The following TRAF5 variants were observed in gnomAD, a reference collection of about 807,000 sequenced individuals.
TRAF5 encodes the protein TNF receptor associated factor 5, also known as TNF receptor-associated factor 5.
TRAF5 carries 48 observed loss-of-function variants against 64.5 expected under a neutral mutation model. The ratio of observed to expected loss-of-function variants is 0.74; its 90% CI spans 0.59 to 0.95. TRAF5 has a LOEUF of 0.95. Among genes scored for constraint, TRAF5 ranks in the 40% least tolerant of loss-of-function variants. The probability of loss-of-function intolerance (pLI) is 0.00; values close to 1 mark genes in which losing one functional copy is unlikely to be tolerated. For missense variants in TRAF5, 545 were observed against 662.8 expected (o/e 0.82, Z 1.95); for synonymous variants, 206 against 240.5 (o/e 0.86, Z 1.33).
intron 1 of TRAF5, among the ~76,000 whole-genome samples, chr1:211,333,633 G>C (rs1702218544): frequency 6.6e-6 from 1 of 152,116 alleles, no homozygotes; most frequent in African/African-American, 2.4e-5. Flanking sequence ...GAGTAGCTGA[G>C]ATTACAGGCA....
chr1:211,332,069 T>C (rs147081358), intron 1 of TRAF5, among the ~76,000 whole-genome samples: 1,847 of 152,052 alleles, frequency 0.012, 16 homozygotes, highest in Middle Eastern at 0.071. Flanking sequence ...GGACAGGGTA[T>C]GGTGGGATAA....
intron 1 of TRAF5, among the ~76,000 whole-genome samples, chr1:211,344,423 A>G (rs6672742): frequency 0.17 from 25,155 of 152,236 alleles, 2,298 homozygotes; most frequent in Non-Finnish European, 0.2. Context: ...CTCTGCCTCT[A>G]AGACATCAAA....
intron 9 of TRAF5, among the ~76,000 whole-genome samples, chr1:211,370,411 A>C (rs564454652): frequency 1.9e-4 from 26 of 136,088 alleles, no homozygotes; most frequent in African/African-American, 5.9e-4. Flanking sequence ...ACACACACAC[A>C]CCCTTCATAT....
At chr1:211,339,520 A>G (rs975066987) in intron 1 of TRAF5, among the ~76,000 whole-genome samples, 1 of 152,164 alleles carries the variant, frequency 6.6e-6, no homozygotes, top group Admixed American at 6.5e-5. Flanking sequence ...GTCCTTCCAG[A>G]GCTGACAGGC....
Position 211,372,747 on chromosome 1 carries a change from T to C in TRAF5, c.*45T>C, listed in dbSNP as rs1703581334. The C allele has an allele frequency of 2.6e-6, 4 of 1,515,450 alleles. No homozygotes were observed. The highest frequency in any genetic ancestry group is 1.8e-5 in the Admixed American group (1 of 56,658). 93.9% of individuals were successfully genotyped at this position (1,515,450 alleles called of 1,614,324 possible). On this transcript the variant is annotated 3_prime_UTR_variant, in exon 11 of 11. Coordinates refer to ENST00000261464, the MANE Select transcript of TRAF5 (RefSeq NM_001033910.3). ...AGAGGACTTCTTGGGGCCAGAACTG[T>C]GGAGGAGAGCACATTTGATTATCAT...
chr1:211,337,742 GGA>G (rs1466765912), intron 1 of TRAF5, among the ~76,000 whole-genome samples: 1 of 152,184 alleles, frequency 6.6e-6, no homozygotes, highest in Non-Finnish European at 1.5e-5. Context: ...GTTGTGAGAT[GGA>G]GAGTAAGAGA....
intron 1 of TRAF5, among the ~76,000 whole-genome samples, chr1:211,327,952 T>TG (rs1702065739): frequency 6.6e-6 from 1 of 152,226 alleles, no homozygotes. Flanking sequence ...GTGTGAGAAC[T>TG]GGGCTGGGGC....
intron 1 of TRAF5, among the ~76,000 whole-genome samples, chr1:211,328,081 C>T (rs566187591): frequency 3.9e-5 from 6 of 152,104 alleles, no homozygotes; most frequent in Non-Finnish European, 7.3e-5. Flanking sequence ...TGGGTGTGTG[C>T]GAGATAATTT....
intron 8 of TRAF5, among the ~76,000 whole-genome samples, chr1:211,367,847 T>G (rs1703403889): frequency 6.6e-6 from 1 of 152,204 alleles, no homozygotes; most frequent in Admixed American, 6.5e-5. Context: ...AAATGCCCTC[T>G]CTGTGCCAGG....
At chr1:211,353,960 A>G (rs1702877896) in intron 2 of TRAF5, among the ~76,000 whole-genome samples, 1 of 152,154 alleles carries the variant, frequency 6.6e-6, no homozygotes, top group Non-Finnish European at 1.5e-5. Context: ...CAAGGCAGTC[A>G]TTTTACCCTG....
Position 211,353,265 on chromosome 1 carries a change from G to T in TRAF5, c.26G>T (p.Gly9Val). 2 of 1,614,190 alleles carry T rather than the reference G, an allele frequency of 1.2e-6. No individual in the cohort carries two copies. The highest frequency in any genetic ancestry group is 1.1e-5 in the South Asian group (1 of 91,084). ...ATGGCTTATTCAGAAGAGCATAAAG[G>T]TATGCCCTGTGGTTTCATCCGCCAG... is the stretch of plus-strand genomic sequence containing the variant. MAYSEEHKGMPCGFIRQNS... is the reference protein window; with the variant it reads MAYSEEHKVMPCGFIRQNS... Residue 9 changes from glycine to valine, a missense_variant, in exon 2 of 11, where the codon GGT (glycine) becomes GTT (valine). Physicochemically the swap from Gly to Val is moderately radical, Grantham distance 109 (BLOSUM62 -3). Transcript: ENST00000261464.
intron 1 of TRAF5, among the ~76,000 whole-genome samples, chr1:211,332,008 C>A (rs1702169165): frequency 6.6e-6 from 1 of 152,176 alleles, no homozygotes. Context: ...TGCCACTTTG[C>A]CATCTCTGGA....
At chr1:211,352,464 T>G (rs1454424128) in intron 1 of TRAF5, among the ~76,000 whole-genome samples, 12 of 142,610 alleles carry the variant, frequency 8.4e-5, no homozygotes, top group African/African-American at 3.0e-4. Flanking sequence ...AAAAAAAAGT[T>G]TTTTTTTTTT....
chr1:211,369,572 A>C lies in TRAF5; in HGVS notation c.910A>C (p.Ser304Arg), dbSNP rs1362391458. Residue 304 changes from serine to arginine, a missense_variant, in exon 9 of 11, where the codon AGC becomes CGC. Coordinates refer to ENST00000261464, the MANE Select transcript of TRAF5 (RefSeq NM_001033910.3). Reference sequence around the variant, plus strand: ...TGCACAGTTGTTTGGCAAAAATGGAAGCTTCCTCCCAAACATCCAGGTAAG... The same window carrying C: ...TGCACAGTTGTTTGGCAAAAATGGACGCTTCCTCCCAAACATCCAGGTAAG... ...QFAQLFGKNGSFLPNIQVFAS... is the reference protein window; with the variant it reads ...QFAQLFGKNGRFLPNIQVFAS... 3.1e-6 allele frequency: 5 copies of C among 1,592,466 alleles called. No homozygotes were observed. The highest frequency in any genetic ancestry group is 4.3e-6 in the Non-Finnish European group (5 of 1,172,348).
At chr1:211,335,918 T>A (rs558164821) in intron 1 of TRAF5, among the ~76,000 whole-genome samples, 2 of 152,016 alleles carry the variant, frequency 1.3e-5, no homozygotes, top group East Asian at 1.9e-4. Context: ...AGGGGCCCCA[T>A]GCAGGGAGAT....
intron 7 of TRAF5, among the ~76,000 whole-genome samples, chr1:211,361,568 A>G (rs932892267): frequency 7.9e-5 from 12 of 152,080 alleles, no homozygotes; most frequent in Admixed American, 2.0e-4. Context: ...AAGTCTACCA[A>G]TTGTTTTCAT....
chr1:211,357,851 A>C (rs747391360), intron 4 of TRAF5: 39 of 152,272 alleles, frequency 2.6e-4, no homozygotes, highest in South Asian at 8.3e-4. Context: ...CAATAATAAT[A>C]ATAATCATCA....
At chr1:211,349,493 G>A (rs1004080732) in intron 1 of TRAF5, among the ~76,000 whole-genome samples, 1 of 152,142 alleles carries the variant, frequency 6.6e-6, no homozygotes, top group African/African-American at 2.4e-5. Flanking sequence ...CCCATTTTAA[G>A]GTCACTGGTC....
Position 211,365,352 on chromosome 1 carries a change from C to G in TRAF5, c.697-24C>G, listed in dbSNP as rs770573113. On this transcript the variant is annotated intron_variant, in intron 7 of 10. Transcript: ENST00000261464. ...TTTTTGGAGCCTCTCAGCAACCTGA[C>G]TTATTTTTCTCTTCATATTGAAGGA... The G allele has an allele frequency of 1.2e-5, 19 of 1,602,732 alleles. No individual in the cohort carries two copies. In the Admixed American group the frequency reaches 2.6e-4, roughly 22 times the overall value.
Sources: allele counts gnomAD v4.1 joint callset (sites outside exome capture counted in the v4.1 genomes callset), GRCh38; gene constraint gnomAD v4.1.1; transcripts MANE v1.5; gene names NCBI Gene and HGNC (gene_info 2026-07-23, HGNC 2026-07-21).